Variants in KIF21B observed in about 807,000 individuals in gnomAD.
The protein encoded by KIF21B is kinesin family member 21B.
In KIF21B, 85 loss-of-function variants were observed where a neutral mutation model predicts 192.9. That is an observed-to-expected ratio of 0.44 (90% CI 0.37 to 0.53). The LOEUF (loss-of-function observed/expected upper bound fraction) is 0.53, where lower values mean the gene tolerates loss of function less well. KIF21B is among the 20% of genes least tolerant of loss of function. KIF21B has a pLI of 0.00. For missense variants in KIF21B, 1,716 were observed against 2,194.8 expected (o/e 0.78, Z 4.36); for synonymous variants, 832 against 884.6 (o/e 0.94, Z 1.05).
chr1:201,009,128 G>T (rs1215446796), intron 2 of KIF21B, 138 bp downstream of exon 2: 4 of 1,101,532 alleles, frequency 3.6e-6, no homozygotes, highest in South Asian at 3.1e-5. Context: ...CTGCTAACCA[G>T]CGGTGCAACG....
Position 200,988,450 on chromosome 1 carries a change from A to G in KIF21B, c.3350+43T>C, listed in dbSNP as rs545612344. ...GCAACTCCTCCCACCAGCCCCAGGTACATGCTGTGAGCCAGCCTCTCACTC... is the reference window on the plus strand; with the variant it reads ...GCAACTCCTCCCACCAGCCCCAGGTGCATGCTGTGAGCCAGCCTCTCACTC... On this transcript the variant is annotated intron_variant, in intron 23 of 34. Coordinates refer to ENST00000461742, the MANE Select transcript of KIF21B (RefSeq NM_001252102.2). 1.2e-3 allele frequency: 1,910 copies of G among 1,609,764 alleles called. 34 individuals are homozygous for G. In the South Asian group the frequency reaches 0.02, roughly 17 times the overall value.
intron 14 of KIF21B, among the ~76,000 whole-genome samples, chr1:200,997,888 C>A (rs1231975932): frequency 6.6e-6 from 1 of 152,200 alleles, no homozygotes; most frequent in Non-Finnish European, 1.5e-5. Context: ...AGAATGTATG[C>A]TGCACGAGAG....
intron 15 of KIF21B, among the ~76,000 whole-genome samples, chr1:200,993,609 G>T (rs1220462790): frequency 1.3e-5 from 2 of 152,072 alleles, no homozygotes; most frequent in African/African-American, 2.4e-5. Context: ...AACTAGCCCG[G>T]TGTGGTGGTG....
rs1348076497 is a variant in KIF21B at position 200,991,213 on chromosome 1, C to T, written c.2455-64G>A. ...GGTGGCCTGGAGCCACACAGAAGGG[C>T]CCAGGTTGGGGTGCCGGGCAGCAGG... On this transcript the variant is annotated intron_variant, in intron 17 of 34. Transcript: ENST00000461742. 1.0e-5 allele frequency: 14 copies of T among 1,367,596 alleles called. No individual in the cohort carries two copies. The South Asian group carries it at 1.5e-4, about 14-fold the overall frequency. 84.7% of individuals were successfully genotyped at this position (1,367,596 alleles called of 1,614,324 possible). A position where few individuals can be genotyped will look rare whatever the true frequency, so the allele number is the denominator to read the frequency against.
chr1:201,016,776 C>G (rs1658531239), intron 1 of KIF21B, among the ~76,000 whole-genome samples: 1 of 152,192 alleles, frequency 6.6e-6, no homozygotes, highest in Non-Finnish European at 1.5e-5. Context: ...CCTGGCCTCT[C>G]AGACCCTTCC....
intron 3 of KIF21B, among the ~76,000 whole-genome samples, chr1:201,006,911 GACAC>G (rs1446543329): frequency 1.2e-4 from 15 of 121,716 alleles, no homozygotes; most frequent in Middle Eastern, 5.3e-3. Context: ...CACAGAGACA[GACAC>G]ACACAGACAC....
At chr1:201,020,402 C>A (rs533219169) in intron 1 of KIF21B, among the ~76,000 whole-genome samples, 3 of 152,178 alleles carry the variant, frequency 2.0e-5, no homozygotes. Flanking sequence ...ACCTCCTCCC[C>A]CAGGTGACTG....
rs1395193280 is a variant in KIF21B, at chr1:200,989,934, C to A, written c.3132+8G>T. On this transcript the variant is annotated splice_region_variant and intron_variant, in intron 21 of 34. Coordinates refer to ENST00000461742, the MANE Select transcript of KIF21B (RefSeq NM_001252102.2). Reference sequence around the variant, plus strand: ...AGAGCCCCCTGCCCATGTACGCTCCCAGCTTACCTTGTCAATGGATGCCTT... The same window carrying A: ...AGAGCCCCCTGCCCATGTACGCTCCAAGCTTACCTTGTCAATGGATGCCTT... 2.5e-6 allele frequency: 4 copies of A among 1,610,910 alleles called. No homozygotes were observed. In the African/African-American group the frequency reaches 5.3e-5, roughly 22 times the overall value.
Position 200,989,978 on chromosome 1 carries a change from G to T in KIF21B, c.3096C>A (p.Leu1032=). The T allele has an allele frequency of 1.9e-6, 3 of 1,614,044 alleles. No individual in the cohort carries two copies. Among genetic ancestry groups the T allele is most frequent in the Non-Finnish European group, 2.5e-6 (3 of 1,180,014 alleles). The change falls in exon 21 of 35, where the codon CTC becomes CTA. Residue 1032 remains leucine, a synonymous_variant. Coordinates refer to ENST00000461742, the MANE Select transcript of KIF21B (RefSeq NM_001252102.2). Reference sequence around the variant, plus strand: ...ATGCCTTGAGGAAGTTGTCTAGCAGGAGGCGGGCTTCAGCCAGGGAGCAGG... The same window carrying T: ...ATGCCTTGAGGAAGTTGTCTAGCAGTAGGCGGGCTTCAGCCAGGGAGCAGG... ...ISSCSLAEAR[L]LLDNFLKASI...
chr1:201,006,891 GACAC>G (rs752184962), intron 3 of KIF21B, among the ~76,000 whole-genome samples: 5 of 136,708 alleles, frequency 3.7e-5, no homozygotes, highest in Admixed American at 7.3e-5. Flanking sequence ...GAGACACATA[GACAC>G]ACACACACAG....
chr1:201,022,300 C>T (rs1658886381), intron 1 of KIF21B, among the ~76,000 whole-genome samples: 1 of 152,196 alleles, frequency 6.6e-6, no homozygotes, highest in Admixed American at 6.5e-5. Context: ...GAGACCTACC[C>T]TAGACCTGGA....
intron 24 of KIF21B, among the ~76,000 whole-genome samples, chr1:200,987,646 CTT>C (rs1444512017): frequency 5.3e-5 from 8 of 152,236 alleles, no homozygotes; most frequent in Non-Finnish European, 1.2e-4. Context: ...CAGCTAAACT[CTT>C]ATGGTTTCTG....
At chr1:200,993,765 CAAA>C (rs553024029) in intron 15 of KIF21B, among the ~76,000 whole-genome samples, 2 of 91,712 alleles carry the variant, frequency 2.2e-5, no homozygotes, top group Non-Finnish European at 2.7e-5. Context: ...CAAAACAAAA[CAAA>C]AAAAAAAAAA....
At chr1:200,983,784 C>G (rs188626091) in intron 27 of KIF21B, among the ~76,000 whole-genome samples, 99 of 152,320 alleles carry the variant, frequency 6.5e-4, no homozygotes, top group Admixed American at 1.7e-3. Flanking sequence ...TGGCTCCCCC[C>G]ACAGCAGCCT....
In KIF21B at chr1:200,982,981, G is replaced by A. The variant is rs930233229; in HGVS notation, c.3842+75C>T. 4 of 1,357,896 alleles carry A rather than the reference G, an allele frequency of 2.9e-6. No homozygotes were observed. Among genetic ancestry groups the A allele is most frequent in the Non-Finnish European group, 4.1e-6 (4 of 985,036 alleles). The allele number at this position is 1,357,896 out of a possible 1,614,324, so 84.1% of individuals were successfully genotyped here. On this transcript the variant is annotated intron_variant, in intron 28 of 34. Coordinates refer to ENST00000461742, the MANE Select transcript of KIF21B (RefSeq NM_001252102.2). The surrounding 1 kb of genome is among the most constrained non-coding windows in gnomAD (Gnocchi z 4.7). ...GACACGGGTGTCAGGCGGGAGGGAT[G>A]CAGCAAGAGACAGAGAAGAGAGGGT...
chr1:200,977,018 A>C (rs1386641501), intron 31 of KIF21B, 125 bp from the exon 32 acceptor site: 11 of 967,570 alleles, frequency 1.1e-5, no homozygotes, highest in Non-Finnish European at 9.3e-6. Flanking sequence ...CGCTCAAGGC[A>C]AGATCAAGAA....
At chr1:201,009,957 G>C (rs1275192358) in intron 1 of KIF21B, among the ~76,000 whole-genome samples, 1 of 152,204 alleles carries the variant, frequency 6.6e-6, no homozygotes, top group East Asian at 1.9e-4. Flanking sequence ...CTCGTCAGGG[G>C]AGAGAAGGCG....
Position 200,972,706 on chromosome 1 carries a change from A to C in KIF21B, c.*815T>G, listed in dbSNP as rs1249923677. The C allele has an allele frequency of 6.5e-6, 1 of 152,692 alleles. No homozygotes were observed. The highest frequency in any genetic ancestry group is 2.1e-4 in the South Asian group (1 of 4,828). 9.5% of individuals were successfully genotyped at this position (152,692 alleles called of 1,614,324 possible). On this transcript the variant is annotated 3_prime_UTR_variant, in exon 35 of 35. Transcript: ENST00000461742. Reference sequence around the variant, plus strand: ...GCCTGAGCTGCAGAGTCGAAGGAGCAGTTCCCTCCTCTGCAAAGCAAACAG... The same window carrying C: ...GCCTGAGCTGCAGAGTCGAAGGAGCCGTTCCCTCCTCTGCAAAGCAAACAG...
chr1:200,974,582 G>A (rs1001714315), intron 34 of KIF21B, 132 bp downstream of exon 34: 4 of 906,140 alleles, frequency 4.4e-6, no homozygotes, highest in Non-Finnish European at 6.9e-6. Context: ...ATGCAAAGGA[G>A]GCCACCATGG....
Sources: allele counts gnomAD v4.1 joint callset (sites outside exome capture counted in the v4.1 genomes callset), GRCh38; gene constraint gnomAD v4.1.1; non-coding constraint Gnocchi (gnomAD v3.1); transcripts MANE v1.5; gene names NCBI Gene and HGNC (gene_info 2026-07-23, HGNC 2026-07-21).